The following EPM2A variants were observed in gnomAD, a reference collection of about 807,000 sequenced individuals.
The protein encoded by EPM2A is laforin.
A neutral mutation model predicts 26.5 loss-of-function variants in EPM2A; 21 were observed. The ratio of observed to expected loss-of-function variants is 0.79; its 90% confidence interval spans 0.56 to 1.14. EPM2A has a LOEUF of 1.14. Ranked by LOEUF, EPM2A falls within the 50% of genes most tolerant of loss-of-function variation. EPM2A has a pLI of 0.00. For synonymous variants in EPM2A, 217 were observed against 177.6 expected (o/e 1.22, Z -1.76); for missense variants, 458 against 440.8 (o/e 1.04, Z -0.35).
intron 4 of EPM2A, among the ~76,000 whole-genome samples, chr6:145,457,891 C>G (rs1171065625): frequency 6.6e-6 from 1 of 152,182 alleles, no homozygotes; most frequent in Non-Finnish European, 1.5e-5. Flanking sequence ...TATTCAAATA[C>G]AAATGTAATA....
chr6:145,434,415 T>C (rs771618942), intron 4 of EPM2A, among the ~76,000 whole-genome samples: 2 of 152,114 alleles, frequency 1.3e-5, no homozygotes, highest in African/African-American at 2.4e-5. Context: ...GATTAAACCC[T>C]ATATCAAATT....
intron 2 of EPM2A, among the ~76,000 whole-genome samples, chr6:145,609,924 A>C (rs1775354937): frequency 6.6e-6 from 1 of 152,178 alleles, no homozygotes; most frequent in Non-Finnish European, 1.5e-5. Flanking sequence ...ATCCTTTTAA[A>C]AACATTTTTG....
At chr6:145,530,155 G>A (rs535710848) in intron 2 of EPM2A, among the ~76,000 whole-genome samples, 1 of 152,224 alleles carries the variant, frequency 6.6e-6, no homozygotes, top group South Asian at 2.1e-4. Context: ...GAGGATATCA[G>A]CACAACCACC....
intron 4 of EPM2A, among the ~76,000 whole-genome samples, chr6:145,484,334 A>T (rs1185000639): frequency 6.6e-6 from 1 of 152,040 alleles, no homozygotes; most frequent in East Asian, 1.9e-4. Flanking sequence ...TTTTTTCTAA[A>T]AGAGCACCCC....
At chr6:145,705,962 T>A (rs1782201467) in intron 1 of EPM2A, 1 of 456,316 alleles carries the variant, frequency 2.2e-6, no homozygotes, top group Admixed American at 2.4e-5. Context: ...TCTGTATATG[T>A]GATGGGAATT....
intron 4 of EPM2A, among the ~76,000 whole-genome samples, chr6:145,410,091 T>TGTGG (rs1468204167): frequency 3.9e-5 from 6 of 152,266 alleles, no homozygotes; most frequent in Non-Finnish European, 8.8e-5. Context: ...GGATGCTGGC[T>TGTGG]ACCACATACA....
At chr6:145,573,451 C>T (rs1459213062) in intron 2 of EPM2A, among the ~76,000 whole-genome samples, 2 of 152,190 alleles carry the variant, frequency 1.3e-5, no homozygotes, top group Non-Finnish European at 2.9e-5. Context: ...TTGGAGTCAC[C>T]ACTTGGTTAA....
At chr6:145,664,858 C>T (rs867077914) in intron 2 of EPM2A, among the ~76,000 whole-genome samples, 2 of 151,770 alleles carry the variant, frequency 1.3e-5, no homozygotes, top group Admixed American at 1.3e-4. Flanking sequence ...GATTAAGACT[C>T]TCACTCAAAG....
At chr6:145,456,033 G>A (rs1033200905) in intron 4 of EPM2A, among the ~76,000 whole-genome samples, 1 of 152,018 alleles carries the variant, frequency 6.6e-6, no homozygotes, top group African/African-American at 2.4e-5. Context: ...AAATTACTGC[G>A]ATTTTTTAAT....
At position 145,677,728 on chromosome 6, in the gene EPM2A, G is replaced by A. The variant is rs199879304; in HGVS notation, c.476+8394C>T. Among the ~76,000 whole-genome samples, 36 of 152,294 alleles carry A rather than the reference G, an allele frequency of 2.4e-4. 1 individual carries two copies. The highest frequency in any genetic ancestry group is 1.7e-3 in the East Asian group (9 of 5,180). On this transcript the variant is annotated intron_variant, in intron 2 of 3. Coordinates refer to ENST00000367519, the MANE Select transcript of EPM2A (RefSeq NM_005670.4). ...TAGGAATCCAACTTACAAGGGATGT[G>A]AAGGACCTCTTTAAGGAGAACTACA...
Position 145,671,490 on chromosome 6 carries a change from TAA to T in EPM2A, c.476+14630_476+14631del. 9.0e-6 allele frequency: 5 copies of T among 556,194 alleles called. No homozygotes were observed. In the East Asian group the frequency reaches 5.8e-4, roughly 65 times the overall value. The allele number at this position is 556,194 out of a possible 1,614,324, so 34.5% of individuals were successfully genotyped here. ...TGATATAAGCCTTAGCTTTTGAAAT[TAA>T]CATTGACATTAATCAGGTGTTAACC... On this transcript the variant is annotated intron_variant, in intron 2 of 3. Coordinates refer to ENST00000367519, the MANE Select transcript of EPM2A (RefSeq NM_005670.4).
chr6:145,556,101 A>G (rs1021355926), intron 2 of EPM2A, among the ~76,000 whole-genome samples: 1 of 152,212 alleles, frequency 6.6e-6, no homozygotes, highest in Non-Finnish European at 1.5e-5. Context: ...AAATGAAAAT[A>G]AAAAACAACA....
intron 2 of EPM2A, among the ~76,000 whole-genome samples, chr6:145,680,818 T>A (rs891914227): frequency 6.6e-6 from 1 of 152,098 alleles, no homozygotes; most frequent in African/African-American, 2.4e-5. Flanking sequence ...TGGTTCCAAG[T>A]CTTTGCTATT....
At chr6:145,584,313 G>T (rs1781157622) in intron 2 of EPM2A, among the ~76,000 whole-genome samples, 1 of 152,128 alleles carries the variant, frequency 6.6e-6, no homozygotes, top group South Asian at 2.1e-4. Context: ...AAAGCACCCT[G>T]ATTGGGCATC....
At chr6:145,433,629 T>C (rs1778949461) in intron 4 of EPM2A, among the ~76,000 whole-genome samples, 1 of 152,182 alleles carries the variant, frequency 6.6e-6, no homozygotes, top group Non-Finnish European at 1.5e-5. Flanking sequence ...ACAGTAAGCC[T>C]TCACTTAACA....
intron 1 of EPM2A, among the ~76,000 whole-genome samples, chr6:145,731,398 T>C (rs754630961): frequency 5.9e-5 from 9 of 152,126 alleles, no homozygotes; most frequent in East Asian, 1.9e-4. Flanking sequence ...GAAAAATCAA[T>C]AGAATAAAAA....
chr6:145,413,607 G>A (rs1778671369), intron 4 of EPM2A, among the ~76,000 whole-genome samples: 1 of 151,978 alleles, frequency 6.6e-6, no homozygotes, highest in Admixed American at 6.6e-5. Flanking sequence ...TTCTGGAAAT[G>A]TTATGTTCTT....
intron 1 of EPM2A, among the ~76,000 whole-genome samples, chr6:145,699,282 A>T (rs1403061995): frequency 1.3e-5 from 2 of 152,186 alleles, no homozygotes; most frequent in Non-Finnish European, 2.9e-5. Flanking sequence ...TTAAAACTGT[A>T]TGTTAACTGA....
At chr6:145,392,951 T>G (rs1010799763) in intron 4 of EPM2A, among the ~76,000 whole-genome samples, 1 of 151,782 alleles carries the variant, frequency 6.6e-6, no homozygotes, top group Admixed American at 6.6e-5. Flanking sequence ...CAATGATATA[T>G]CCAAAAAAGG....
Sources: gnomAD v4.1 joint callset for allele counts (sites outside exome capture counted in the v4.1 genomes callset) on GRCh38, gnomAD v4.1.1 for gene constraint, MANE v1.5 for transcripts, NCBI Gene and HGNC (gene_info 2026-07-23, HGNC 2026-07-21) for gene names.